CACNA2D1: variants seen among roughly 807,000 people sequenced by gnomAD.
CACNA2D1 encodes voltage-dependent calcium channel subunit alpha-2/delta-1.
Under a neutral mutation model 171.5 loss-of-function variants are expected in CACNA2D1, and 53 were observed. The observed-to-expected ratio is 0.31, with a 90% confidence interval of 0.25 to 0.39. The LOEUF is 0.39. Ranked by LOEUF, CACNA2D1 falls within the 10% of genes least tolerant of loss-of-function variation. CACNA2D1 has a pLI of 1.00. For synonymous variants in CACNA2D1, 442 were observed against 443.1 expected, an observed-to-expected ratio of 1.00 and a Z score of 0.03; for missense variants, 903 against 1,299.8, an observed-to-expected ratio of 0.69 and a Z score of 4.69.
intron 12 of CACNA2D1, among the ~76,000 whole-genome samples, chr7:82,020,294 C>A (rs756811064): frequency 6.6e-6 from 1 of 152,060 alleles, no homozygotes. Flanking sequence ...GCCAGTCAGG[C>A]GCATTCTGCA....
intron 3 of CACNA2D1, among the ~76,000 whole-genome samples, chr7:82,227,225 T>C (rs1418791452): frequency 6.6e-6 from 1 of 152,138 alleles, no homozygotes; most frequent in Non-Finnish European, 1.5e-5. Context: ...AAAGAACAAG[T>C]CTTCAAGGTT....
intron 5 of CACNA2D1, among the ~76,000 whole-genome samples, chr7:82,128,601 C>T (rs3757636): frequency 6.6e-6 from 1 of 152,062 alleles, no homozygotes; most frequent in Non-Finnish European, 1.5e-5. Context: ...TTATAATGAA[C>T]AAAATCAATA....
At chr7:82,379,722 C>CT (rs1338264849) in intron 1 of CACNA2D1, among the ~76,000 whole-genome samples, 3 of 152,128 alleles carry the variant, frequency 2.0e-5, no homozygotes, top group African/African-American at 7.2e-5. Flanking sequence ...ATGGTAAGAA[C>CT]TGGAAATAAT....
intron 7 of CACNA2D1, among the ~76,000 whole-genome samples, chr7:82,068,356 G>A (rs1033588631): frequency 2.0e-5 from 3 of 152,200 alleles, no homozygotes; most frequent in South Asian, 2.1e-4. Context: ...GCATAACAGT[G>A]ACTTCTCCAC....
chr7:82,288,488 A>G (rs1302717928), intron 3 of CACNA2D1, among the ~76,000 whole-genome samples: 1 of 151,882 alleles, frequency 6.6e-6, no homozygotes, highest in Non-Finnish European at 1.5e-5. Context: ...TTTAACAAAG[A>G]GTTATTGAAT....
At chr7:82,280,655 T>C (rs956867019) in intron 3 of CACNA2D1, among the ~76,000 whole-genome samples, 6 of 152,282 alleles carry the variant, frequency 3.9e-5, no homozygotes, top group Admixed American at 3.9e-4. Flanking sequence ...CCCTTTTACA[T>C]AGAAACCTTA....
intron 12 of CACNA2D1, among the ~76,000 whole-genome samples, chr7:82,025,130 T>C (rs553441853): frequency 6.6e-6 from 1 of 151,810 alleles, no homozygotes; most frequent in African/African-American, 2.4e-5. Context: ...TATTTTGTGG[T>C]CTTTTGTAGT....
chr7:82,145,385 T>C (rs1381883127), intron 4 of CACNA2D1, among the ~76,000 whole-genome samples: 1 of 144,794 alleles, frequency 6.9e-6, no homozygotes, highest in Non-Finnish European at 1.5e-5. Flanking sequence ...TTATATATTA[T>C]ATATGTATTA....
At chr7:81,967,425 C>T (rs1042314371) in intron 30 of CACNA2D1, among the ~76,000 whole-genome samples, 171 bp downstream of exon 30, 1 of 151,346 alleles carries the variant, frequency 6.6e-6, no homozygotes, top group Admixed American at 6.6e-5. Flanking sequence ...ACTTCTATTA[C>T]ATATTGACTA....
At chr7:82,113,652 C>T (rs1440910492) in intron 6 of CACNA2D1, among the ~76,000 whole-genome samples, 4 of 152,100 alleles carry the variant, frequency 2.6e-5, no homozygotes, top group African/African-American at 9.7e-5. Context: ...AGGCTGTTTC[C>T]TTCAGTTAAG....
intron 36 of CACNA2D1, among the ~76,000 whole-genome samples, chr7:81,961,467 T>C (rs1467795487): frequency 6.6e-6 from 1 of 151,776 alleles, no homozygotes; most frequent in African/African-American, 2.4e-5. Context: ...TGTAAATCTG[T>C]TTAGTTACTA....
At chr7:82,390,170 T>C (rs1177528369) in intron 1 of CACNA2D1, among the ~76,000 whole-genome samples, 1 of 152,206 alleles carries the variant, frequency 6.6e-6, no homozygotes, top group African/African-American at 2.4e-5. Context: ...AAATTAGCTG[T>C]AGGAATAAGA....
At position 81,947,910 on chromosome 7, in the gene CACNA2D1, A is replaced by C. The variant is rs956641177; in HGVS notation, c.*2482T>G. The C allele has an allele frequency of 6.6e-6, 1 of 151,888 alleles. No individual in the cohort carries two copies. The highest frequency in any genetic ancestry group is 6.6e-5 in the Admixed American group (1 of 15,226). 9.4% of individuals were successfully genotyped at this position (151,888 alleles called of 1,614,324 possible). On this transcript the variant is annotated 3_prime_UTR_variant, in exon 39 of 39. Transcript: ENST00000356860. ...TATGGTTGTCATAATATATAACTTT[A>C]TAGCAGAAAATAAAGGTTTATAGCA... is the stretch of plus-strand genomic sequence containing the variant.
At chr7:82,427,423 A>G (rs1471735576) in intron 1 of CACNA2D1, among the ~76,000 whole-genome samples, 1 of 152,200 alleles carries the variant, frequency 6.6e-6, no homozygotes, top group Admixed American at 6.5e-5. Flanking sequence ...GAGGTGAGCA[A>G]TTATGTGTTG....
chr7:82,441,335 C>T (rs1241984476), intron 1 of CACNA2D1, among the ~76,000 whole-genome samples: 1 of 152,000 alleles, frequency 6.6e-6, no homozygotes, highest in African/African-American at 2.4e-5. Flanking sequence ...AGATTACCTA[C>T]AGGAGATTGA....
intron 6 of CACNA2D1, among the ~76,000 whole-genome samples, chr7:82,108,826 A>G (rs191933038): frequency 1.3e-5 from 2 of 152,300 alleles, no homozygotes; most frequent in East Asian, 3.9e-4. Context: ...ATTATGGTCA[A>G]ATTAGCCTAG....
chr7:82,416,671 T>C (rs1828200034), intron 1 of CACNA2D1, among the ~76,000 whole-genome samples: 1 of 152,212 alleles, frequency 6.6e-6, no homozygotes, highest in Non-Finnish European at 1.5e-5. Flanking sequence ...TATAAGGACA[T>C]GCATCATATT....
intron 2 of CACNA2D1, among the ~76,000 whole-genome samples, chr7:82,336,884 T>C (rs1818068607): frequency 6.6e-6 from 1 of 152,176 alleles, no homozygotes; most frequent in African/African-American, 2.4e-5. Flanking sequence ...TTCATTTCTC[T>C]ATGCAGTCTA....
intron 5 of CACNA2D1, among the ~76,000 whole-genome samples, chr7:82,132,548 C>G (rs1184942837): frequency 2.0e-5 from 3 of 152,154 alleles, no homozygotes; most frequent in Middle Eastern, 3.2e-3. Context: ...CTCCCATTGT[C>G]ACTTGCCTCT....
Sources: allele counts gnomAD v4.1 joint callset (sites outside exome capture counted in the v4.1 genomes callset), GRCh38; gene constraint gnomAD v4.1.1; transcripts MANE v1.5; gene names NCBI Gene and HGNC (gene_info 2026-07-23, HGNC 2026-07-21).